STIMATE: variants seen among roughly 807,000 people sequenced by gnomAD.
STIMATE encodes store-operated calcium entry regulator STIMATE.
STIMATE carries 15 observed loss-of-function variants against 36.7 expected under a neutral mutation model. The ratio of observed to expected loss-of-function variants is 0.41; its 90% CI spans 0.27 to 0.63. The LOEUF (loss-of-function observed/expected upper bound fraction) is 0.63. Among genes scored for constraint, STIMATE ranks in the 20% least tolerant of loss-of-function variants. STIMATE has a pLI of 0.32. For missense variants in STIMATE, 305 were observed against 397.3 expected (o/e 0.77, Z 1.98); for synonymous variants, 163 against 162.3 (o/e 1.00, Z -0.03).
intron 1 of STIMATE, among the ~76,000 whole-genome samples, chr3:52,870,379 T>C (rs767202144): frequency 3.3e-5 from 5 of 151,922 alleles, no homozygotes; most frequent in African/African-American, 1.2e-4. Flanking sequence ...ATCACCACGG[T>C]TGTGGTTCCA....
At chr3:52,840,631 G>A in intron 7 of STIMATE, 21 bp from the exon 8 acceptor site, 1 of 1,606,444 alleles carries the variant, frequency 6.2e-7, no homozygotes. Flanking sequence ...AGAGAGGCAG[G>A]GCCTGAGTCA....
intron 1 of STIMATE, 61 bp downstream of exon 1, chr3:52,897,230 G>C (rs775696560): frequency 5.3e-6 from 8 of 1,511,482 alleles, no homozygotes; most frequent in Non-Finnish European, 6.2e-6. Flanking sequence ...GGGGCCCCCA[G>C]GGGGGCCGGG....
chr3:52,873,028 G>C (rs2106705540), intron 1 of STIMATE, among the ~76,000 whole-genome samples: 1 of 152,330 alleles, frequency 6.6e-6, no homozygotes, highest in African/African-American at 2.4e-5. Context: ...TGAAGCCCAG[G>C]TTCTAAGTTT....
At chr3:52,875,251 TAA>T (rs1404398952) in intron 1 of STIMATE, among the ~76,000 whole-genome samples, 3 of 152,196 alleles carry the variant, frequency 2.0e-5, no homozygotes, top group Non-Finnish European at 2.9e-5. Flanking sequence ...ACCTTGACTA[TAA>T]AAAGTTTTCT....
At chr3:52,885,926 G>A (rs1701681763) in intron 1 of STIMATE, among the ~76,000 whole-genome samples, 1 of 152,128 alleles carries the variant, frequency 6.6e-6, no homozygotes, top group African/African-American at 2.4e-5. Context: ...TATATATTTT[G>A]GCCTGTTTTC....
chr3:52,864,990 A>AAGG (rs1701278740), intron 1 of STIMATE, among the ~76,000 whole-genome samples: 1 of 150,510 alleles, frequency 6.6e-6, no homozygotes, highest in African/African-American at 2.4e-5. Flanking sequence ...TCTGTCACCT[A>AAGG]GGCTGGAGTG....
chr3:52,867,672 G>A (rs1345199515), intron 1 of STIMATE, among the ~76,000 whole-genome samples: 1 of 152,170 alleles, frequency 6.6e-6, no homozygotes, highest in Non-Finnish European at 1.5e-5. Context: ...CTGAGGCAGC[G>A]GACTCTTCCC....
At chr3:52,889,828 T>C (rs757544734) in intron 1 of STIMATE, among the ~76,000 whole-genome samples, 1 of 152,148 alleles carries the variant, frequency 6.6e-6, no homozygotes, top group African/African-American at 2.4e-5. Context: ...ATAATACAAA[T>C]GGAGCATGCA....
intron 4 of STIMATE, among the ~76,000 whole-genome samples, chr3:52,845,571 T>C (rs1700879825): frequency 6.6e-6 from 1 of 152,154 alleles, no homozygotes; most frequent in East Asian, 1.9e-4. Flanking sequence ...AGAGAAGTCC[T>C]TGGGGCAAGG....
chr3:52,866,568 C>G (rs900240495), intron 1 of STIMATE, among the ~76,000 whole-genome samples: 1 of 152,222 alleles, frequency 6.6e-6, no homozygotes, highest in Non-Finnish European at 1.5e-5. Context: ...TTATGGATGA[C>G]TCAACTCTAC....
intron 4 of STIMATE, 132 bp downstream of exon 4, chr3:52,849,660 C>G (rs141693334): frequency 6.2e-6 from 9 of 1,444,792 alleles, no homozygotes; most frequent in Non-Finnish European, 8.2e-6. Flanking sequence ...ACAGCCCCCT[C>G]TACCACACAG....
intron 1 of STIMATE, among the ~76,000 whole-genome samples, chr3:52,858,487 C>T (rs1225913808): frequency 6.6e-6 from 1 of 152,054 alleles, no homozygotes; most frequent in Non-Finnish European, 1.5e-5. Flanking sequence ...AGCTAAGTGT[C>T]TTGACGCATG....
intron 1 of STIMATE, among the ~76,000 whole-genome samples, chr3:52,879,956 G>A (rs1321774620): frequency 1.3e-5 from 2 of 152,228 alleles, no homozygotes; most frequent in Admixed American, 1.3e-4. Context: ...AGACGGGCTT[G>A]CTGGGTGATG....
intron 1 of STIMATE, among the ~76,000 whole-genome samples, chr3:52,881,103 C>T (rs1219926658): frequency 6.6e-6 from 1 of 151,682 alleles, no homozygotes; most frequent in Non-Finnish European, 1.5e-5. Flanking sequence ...AGGAGAATCA[C>T]TTGAACCCAG....
rs116123736 is a variant in STIMATE at position 52,859,834 on chromosome 3, G to A, written c.161-4390C>T. On this transcript the variant is annotated intron_variant, in intron 1 of 7. Transcript: ENST00000355083. The stretch of plus-strand genomic sequence containing the variant: ...GCCAATGTAGCAAAGTGGGATGTGG[G>A]AGAATCAGCGTGACCTACAGCTGGG... Among the ~76,000 whole-genome samples the A allele has an allele frequency of 4.4e-3, 676 of 152,208 alleles. 3 individuals carry two copies. The highest frequency in any genetic ancestry group is 0.014 in the Middle Eastern group (4 of 294).
Position 52,840,210 on chromosome 3 carries a change from G to T in STIMATE, c.*284C>A. 1 of 236,772 alleles carries T rather than the reference G, an allele frequency of 4.2e-6. No homozygotes were observed. The allele number at this position is 236,772 out of a possible 1,614,324, so 14.7% of individuals were successfully genotyped here. A position where few individuals can be genotyped will look rare whatever the true frequency, so the allele number is the denominator to read the frequency against. On this transcript the variant is annotated 3_prime_UTR_variant, in exon 8 of 8. Coordinates refer to ENST00000355083, the MANE Select transcript of STIMATE (RefSeq NM_198563.5). ...CCTCAGGTCCCTCACAACACTGTCTGGGACGACAACAAACAAACACAGCTC... is the reference window on the plus strand; with the variant it reads ...CCTCAGGTCCCTCACAACACTGTCTTGGACGACAACAAACAAACACAGCTC...
intron 2 of STIMATE, among the ~76,000 whole-genome samples, chr3:52,854,819 G>C (rs1172321555): frequency 6.6e-6 from 1 of 152,224 alleles, no homozygotes; most frequent in Non-Finnish European, 1.5e-5. Flanking sequence ...ACTCCAGGTA[G>C]TTAAGTGTCA....
At position 52,897,476 on chromosome 3, in the gene STIMATE, G is replaced by A. The variant is rs1190419855; in HGVS notation, c.-26C>T. The A allele has an allele frequency of 8.2e-7, 1 of 1,225,822 alleles. No individual in the cohort carries two copies. Among genetic ancestry groups the A allele is most frequent in the Non-Finnish European group, 1.0e-6 (1 of 985,016 alleles). The allele number at this position is 1,225,822 out of a possible 1,614,324, so 75.9% of individuals were successfully genotyped here. On this transcript the variant is annotated 5_prime_UTR_variant, in exon 1 of 8. Coordinates refer to ENST00000355083, the MANE Select transcript of STIMATE (RefSeq NM_198563.5). Reference sequence around the variant, plus strand: ...GACAGGCCTCGCGGGAGGGGCGCGAGGGCCCAGGGCCCGCCCGGCCTCGCT... The same window carrying A: ...GACAGGCCTCGCGGGAGGGGCGCGAAGGCCCAGGGCCCGCCCGGCCTCGCT...
chr3:52,891,765 C>T (rs1188908175), intron 1 of STIMATE, among the ~76,000 whole-genome samples: 2 of 151,952 alleles, frequency 1.3e-5, no homozygotes, highest in Admixed American at 6.6e-5. Flanking sequence ...GAATGTTTAA[C>T]CTAATTCAGA....
Sources: allele counts gnomAD v4.1 joint callset (sites outside exome capture counted in the v4.1 genomes callset), GRCh38; gene constraint gnomAD v4.1.1; transcripts MANE v1.5; gene names NCBI Gene and HGNC (gene_info 2026-07-23, HGNC 2026-07-21).